FILIP1L: variants seen among roughly 807,000 people sequenced by gnomAD.
FILIP1L encodes filamin A-interacting protein 1-like.
In FILIP1L, 55 loss-of-function variants were observed where a neutral mutation model predicts 96.6. That is an observed-to-expected ratio of 0.57 (90% CI 0.46 to 0.71). FILIP1L has a LOEUF of 0.71. Among genes scored for constraint, FILIP1L ranks in the 30% least tolerant of loss-of-function variants. The probability of loss-of-function intolerance (pLI) is 0.00; values close to 1 mark genes in which losing one functional copy is unlikely to be tolerated. For synonymous variants in FILIP1L, 467 were observed against 473.9 expected (o/e 0.99, Z 0.19); for missense variants, 1,304 against 1,321.2 (o/e 0.99, Z 0.20).
chr3:99,891,416 C>G (rs1706079184), intron 4 of FILIP1L, among the ~76,000 whole-genome samples: 1 of 152,112 alleles, frequency 6.6e-6, no homozygotes, highest in Non-Finnish European at 1.5e-5. Flanking sequence ...AAGCAAAAAC[C>G]AGCTTTTGTG....
In FILIP1L at chr3:99,908,072, A is replaced by G. The variant is rs564185988; in HGVS notation, c.605+16158T>C. The stretch of plus-strand genomic sequence containing the variant: ...TGGCCAAGGATTTTTAAACTGTCCA[A>G]TTGTTTTTGTGTCTTCTCTGTCAGT... On this transcript the variant is annotated intron_variant, in intron 4 of 5. Coordinates refer to ENST00000477258, the MANE Select transcript of FILIP1L (RefSeq NM_001387850.1). 9.4e-4 allele frequency among the ~76,000 whole-genome samples: 143 copies of G among 152,300 alleles called. 1 individual carries two copies. Among genetic ancestry groups the G allele is most frequent in the African/African-American group, 3.0e-3 (125 of 41,572 alleles).
At chr3:99,958,182 C>G (rs1708388720) in intron 1 of FILIP1L, among the ~76,000 whole-genome samples, 1 of 148,112 alleles carries the variant, frequency 6.8e-6, no homozygotes, top group Non-Finnish European at 1.5e-5. Context: ...AACCCATCAC[C>G]TAGGTATTAA....
chr3:99,847,528 A>T (rs548653501), intron 5 of FILIP1L, among the ~76,000 whole-genome samples: 1 of 152,130 alleles, frequency 6.6e-6, no homozygotes, highest in African/African-American at 2.4e-5. Flanking sequence ...TTCCTATCAC[A>T]TGTCAGAGCT....
In FILIP1L at chr3:100,114,167, G is replaced by C. The variant is rs2066535174; in HGVS notation, c.-125C>G. On this transcript the variant is annotated 5_prime_UTR_variant, in exon 1 of 6. Transcript: ENST00000477258. ...ACAACGTTTTCTTCTTCTCTTTTTG[G>C]ACACCCTCTCAGTTTTTGTTTTGTA... is the stretch of plus-strand genomic sequence containing the variant. 1 of 151,838 alleles carries C rather than the reference G, an allele frequency of 6.6e-6. No individual in the cohort carries two copies. Among genetic ancestry groups the C allele is most frequent in the African/African-American group, 2.4e-5 (1 of 41,262 alleles). 9.4% of individuals were successfully genotyped at this position (151,838 alleles called of 1,614,324 possible). A position where few individuals can be genotyped will look rare whatever the true frequency, so the allele number is the denominator to read the frequency against.
intron 4 of FILIP1L, among the ~76,000 whole-genome samples, chr3:99,875,744 C>G (rs1048375505): frequency 6.6e-6 from 1 of 152,072 alleles, no homozygotes; most frequent in Non-Finnish European, 1.5e-5. Flanking sequence ...ACAATATAGT[C>G]TCCCCCACCC....
chr3:99,945,048 A>G (rs1476741531), intron 1 of FILIP1L, among the ~76,000 whole-genome samples: 1 of 152,194 alleles, frequency 6.6e-6, no homozygotes, highest in Non-Finnish European at 1.5e-5. Flanking sequence ...GCTTAAGTCA[A>G]AAATCATCAA....
rs1029370773 is a variant in FILIP1L at position 99,860,309 on chromosome 3, C to A, written c.606-9239G>T. On this transcript the variant is annotated intron_variant, in intron 4 of 5. Transcript: ENST00000477258. ...ACCTGAACGATTAATCTTACTAGGCCCCCCAGAGGTCAGGAGAAGTGAAAT... is the reference window on the plus strand; with the variant it reads ...ACCTGAACGATTAATCTTACTAGGCACCCCAGAGGTCAGGAGAAGTGAAAT... Among the ~76,000 whole-genome samples, 3 of 151,942 alleles carry A rather than the reference C, an allele frequency of 2.0e-5. No homozygotes were observed. The East Asian group carries it at 5.8e-4, about 29-fold the overall frequency.
At chr3:99,995,181 G>A (rs936899432) in intron 1 of FILIP1L, among the ~76,000 whole-genome samples, 1 of 152,150 alleles carries the variant, frequency 6.6e-6, no homozygotes, top group African/African-American at 2.4e-5. Context: ...ATACAATGTG[G>A]GTACAGGTAT....
At chr3:99,909,127 T>C (rs1197624432) in intron 4 of FILIP1L, among the ~76,000 whole-genome samples, 1 of 152,206 alleles carries the variant, frequency 6.6e-6, no homozygotes, top group African/African-American at 2.4e-5. Context: ...AACAAGTAGA[T>C]GGCTAAAGTG....
chr3:99,883,150 TTTATC>T (rs1705784119), intron 4 of FILIP1L, among the ~76,000 whole-genome samples: 1 of 152,188 alleles, frequency 6.6e-6, no homozygotes, highest in Non-Finnish European at 1.5e-5. Context: ...ACTTCAGTGT[TTTATC>T]TAAGAATTGG....
chr3:100,034,872 G>GT (rs958002846), intron 1 of FILIP1L, among the ~76,000 whole-genome samples: 2 of 152,084 alleles, frequency 1.3e-5, no homozygotes, highest in South Asian at 2.1e-4. Flanking sequence ...TGTTTGTGGT[G>GT]TTTTTTCTCA....
In FILIP1L at chr3:100,071,240, C is replaced by G. The variant is rs149861713; in HGVS notation, c.-11+42813G>C. Among the ~76,000 whole-genome samples, 458 of 152,136 alleles carry G rather than the reference C, an allele frequency of 3.0e-3. 2 individuals are homozygous for G. The highest frequency in any genetic ancestry group is 0.01 in the African/African-American group (423 of 41,484). On this transcript the variant is annotated intron_variant, in intron 1 of 5. Coordinates refer to ENST00000477258, the MANE Select transcript of FILIP1L (RefSeq NM_001387850.1). ...TAGATTTTATCCTGATTTTCTCTTA[C>G]TCACTTCATCTCCTGAGAGCTGAAT...
chr3:99,929,199 G>C (rs1707391240), intron 3 of FILIP1L, among the ~76,000 whole-genome samples: 1 of 152,206 alleles, frequency 6.6e-6, no homozygotes, highest in Non-Finnish European at 1.5e-5. Flanking sequence ...ATGTCAGCAA[G>C]TAAAAGAGCA....
chr3:99,919,363 A>G (rs1366888129), intron 4 of FILIP1L, among the ~76,000 whole-genome samples: 1 of 150,422 alleles, frequency 6.6e-6, no homozygotes, highest in East Asian at 1.9e-4. Flanking sequence ...TACACAATGA[A>G]CAAATATTCA....
At chr3:99,946,101 A>T (rs1221936902) in intron 1 of FILIP1L, among the ~76,000 whole-genome samples, 1 of 152,250 alleles carries the variant, frequency 6.6e-6, no homozygotes, top group Non-Finnish European at 1.5e-5. Flanking sequence ...TATGATAGTC[A>T]TTCTCAACCT....
At chr3:100,078,773 C>A (rs566639700) in intron 1 of FILIP1L, among the ~76,000 whole-genome samples, 1 of 152,164 alleles carries the variant, frequency 6.6e-6, no homozygotes, top group South Asian at 2.1e-4. Flanking sequence ...TGCCTGTAAT[C>A]CAAGCTACTC....
chr3:99,906,113 G>C (rs1035179164), intron 4 of FILIP1L, among the ~76,000 whole-genome samples: 1 of 152,218 alleles, frequency 6.6e-6, no homozygotes, highest in Admixed American at 6.5e-5. Flanking sequence ...AGGATCGCTT[G>C]AGCCCAGGAG....
At chr3:99,932,781 C>G (rs1433012178) in intron 1 of FILIP1L, among the ~76,000 whole-genome samples, 1 of 152,152 alleles carries the variant, frequency 6.6e-6, no homozygotes, top group Non-Finnish European at 1.5e-5. Flanking sequence ...ATCCCAGCTA[C>G]TCAGGAGGCT....
chr3:99,855,058 C>T (rs1943890721), intron 4 of FILIP1L, among the ~76,000 whole-genome samples: 1 of 152,164 alleles, frequency 6.6e-6, no homozygotes, highest in Non-Finnish European at 1.5e-5. Context: ...CAAGGCTTTA[C>T]CATTTACATG....
Sources: gnomAD v4.1 joint callset for allele counts (sites outside exome capture counted in the v4.1 genomes callset) on GRCh38, gnomAD v4.1.1 for gene constraint, MANE v1.5 for transcripts, NCBI Gene and HGNC (gene_info 2026-07-23, HGNC 2026-07-21) for gene names.